CCDC7: variants seen among roughly 807,000 people sequenced by gnomAD.
CCDC7 encodes the protein coiled-coil domain containing 7, also known as coiled-coil domain-containing protein 7.
In CCDC7, 183 loss-of-function variants were observed where a neutral mutation model predicts 196.9. The observed-to-expected ratio is 0.93, with a 90% confidence interval of 0.82 to 1.05. CCDC7 has a LOEUF of 1.05. CCDC7 is among the 50% of genes least tolerant of loss of function. The probability of loss-of-function intolerance (pLI) is 0.00; values close to 1 mark genes in which losing one functional copy is unlikely to be tolerated. For synonymous variants in CCDC7, 525 were observed against 484.6 expected, an observed-to-expected ratio of 1.08 and a Z score of -1.10; for missense variants, 1,540 against 1,482.2, an observed-to-expected ratio of 1.04 and a Z score of -0.64.
intron 13 of CCDC7, among the ~76,000 whole-genome samples, chr10:32,562,670 A>G (rs1356326049): frequency 6.6e-6 from 1 of 152,116 alleles, no homozygotes; most frequent in Non-Finnish European, 1.5e-5. Flanking sequence ...AGAGCTATCT[A>G]TGACAAACCC....
chr10:32,854,458 G>T, exon 41 of CCDC7: 1 of 1,604,592 alleles, frequency 6.2e-7, no homozygotes, highest in South Asian at 1.1e-5. Context: ...TGCCTACTGT[G>T]ACCAATACAG....
chr10:32,839,012 A>G (rs72784014), intron 33 of CCDC7, among the ~76,000 whole-genome samples: 15,935 of 151,918 alleles, frequency 0.1, 1,030 homozygotes, highest in South Asian at 0.25. Context: ...AACCCTCAAA[A>G]TACACCAAAA....
At chr10:32,665,793 T>A (rs1047799664) in intron 21 of CCDC7, among the ~76,000 whole-genome samples, 1 of 152,012 alleles carries the variant, frequency 6.6e-6, no homozygotes, top group African/African-American at 2.4e-5. Context: ...TCATAACTGA[T>A]GGGCATTTTA....
intron 29 of CCDC7, among the ~76,000 whole-genome samples, chr10:32,798,875 C>T (rs1270091374): frequency 2.0e-5 from 3 of 152,156 alleles, no homozygotes; most frequent in Non-Finnish European, 4.4e-5. Flanking sequence ...GTGAACCAGA[C>T]CCTACTATTC....
chr10:32,834,336 A>G (rs749691415), intron 32 of CCDC7, among the ~76,000 whole-genome samples: 4 of 152,106 alleles, frequency 2.6e-5, no homozygotes, highest in Non-Finnish European at 4.4e-5. Context: ...TAAAGACCAT[A>G]GTTCACAAGT....
At chr10:32,882,287 T>G (rs1334811885) in intron 22 of CCDC7, among the ~76,000 whole-genome samples, 3 of 152,110 alleles carry the variant, frequency 2.0e-5, no homozygotes, top group Non-Finnish European at 4.4e-5. Flanking sequence ...AAGATTCTTC[T>G]TAGAGGCAGA....
chr10:32,480,500 T>C (rs2039772082), intron 8 of CCDC7, among the ~76,000 whole-genome samples: 1 of 152,154 alleles, frequency 6.6e-6, no homozygotes, highest in Non-Finnish European at 1.5e-5. Context: ...ATGTAGGTTT[T>C]TATTGCTATA....
intron 32 of CCDC7, among the ~76,000 whole-genome samples, chr10:32,828,143 C>A (rs149484147): frequency 2.0e-5 from 3 of 152,234 alleles, no homozygotes; most frequent in Middle Eastern, 6.8e-3. Context: ...ATCAGAAAAT[C>A]TTTGAATCTA....
chr10:32,443,486 C>T (rs1033946256), upstream of CCDC7, among the ~76,000 whole-genome samples: 2 of 152,130 alleles, frequency 1.3e-5, no homozygotes, highest in Admixed American at 6.5e-5. Context: ...TTTAAATTAA[C>T]TTTCAGGTAT....
intron 29 of CCDC7, among the ~76,000 whole-genome samples, chr10:32,784,288 TG>T (rs199791675): frequency 0.046 from 6,931 of 149,132 alleles, 534 homozygotes; most frequent in African/African-American, 0.16. Context: ...GGTAAATGTG[TG>T]TTATGGTGGT....
intron 30 of CCDC7, among the ~76,000 whole-genome samples, chr10:32,807,567 G>T (rs1216343530): frequency 2.0e-5 from 3 of 152,098 alleles, no homozygotes; most frequent in African/African-American, 7.2e-5. Context: ...CTGAGGCATA[G>T]AAGGAAAGGG....
chr10:32,532,197 G>A (rs764026335), intron 11 of CCDC7, among the ~76,000 whole-genome samples: 8 of 151,652 alleles, frequency 5.3e-5, no homozygotes, highest in Non-Finnish European at 1.0e-4. Flanking sequence ...TCTTCTTAAT[G>A]CCTTTGCCAT....
At chr10:32,634,923 C>T (rs1341332420) in intron 19 of CCDC7, 134 bp from the exon 21 acceptor site, 6 of 392,400 alleles carry the variant, frequency 1.5e-5, no homozygotes, top group East Asian at 7.3e-5. Context: ...TTCGCATCCA[C>T]GGTCTATTTT....
At chr10:32,825,720 C>G (rs2091015025) in intron 32 of CCDC7, among the ~76,000 whole-genome samples, 1 of 152,052 alleles carries the variant, frequency 6.6e-6, no homozygotes, top group African/African-American at 2.4e-5. Context: ...GACTCTACTT[C>G]TAATAGTGTG....
At chr10:32,686,876 A>G (rs1249188852) in intron 22 of CCDC7, among the ~76,000 whole-genome samples, 1 of 152,218 alleles carries the variant, frequency 6.6e-6, no homozygotes, top group Non-Finnish European at 1.5e-5. Flanking sequence ...GCCTACCAGT[A>G]GGGAGTCATC....
At chr10:32,473,919 T>C (rs752594821) in intron 7 of CCDC7, 48 bp from the exon 9 acceptor site, 1 of 1,538,990 alleles carries the variant, frequency 6.5e-7, no homozygotes, top group Admixed American at 2.0e-5. Flanking sequence ...AATTAGTATA[T>C]ATAATTGCCG....
At chr10:32,463,102 A>C in intron 5 of CCDC7, 53 bp downstream of exon 6, 1 of 1,600,416 alleles carries the variant, frequency 6.2e-7, no homozygotes, top group South Asian at 1.1e-5. Flanking sequence ...CTCATTTGAA[A>C]AGCAATTTGG....
intron 25 of CCDC7, among the ~76,000 whole-genome samples, chr10:32,719,658 T>G (rs528050931): frequency 3.3e-5 from 5 of 152,112 alleles, no homozygotes; most frequent in South Asian, 2.1e-4. Context: ...TACAAGGAAC[T>G]TAAACAAATT....
chr10:32,627,317 G>A (rs988047026), intron 18 of CCDC7, among the ~76,000 whole-genome samples: 3 of 151,596 alleles, frequency 2.0e-5, no homozygotes, highest in African/African-American at 7.3e-5. Flanking sequence ...CTTCATTTCT[G>A]TTTTGGATAG....
Sources: gnomAD v4.1 joint callset for allele counts (sites outside exome capture counted in the v4.1 genomes callset) on GRCh38, gnomAD v4.1.1 for gene constraint, MANE v1.5 for transcripts, NCBI Gene and HGNC (gene_info 2026-07-23, HGNC 2026-07-21) for gene names.